Variants in HMOX2 observed in about 807,000 individuals in gnomAD.
HMOX2 encodes the protein heme oxygenase 2.
Under a neutral mutation model 33.7 loss-of-function variants are expected in HMOX2, and 30 were observed. The observed-to-expected ratio is 0.89, with a 90% confidence interval of 0.67 to 1.21. The LOEUF (loss-of-function observed/expected upper bound fraction) is 1.21, where lower values mean the gene tolerates loss of function less well. HMOX2 is among the 50% of genes most tolerant of loss of function. The probability of loss-of-function intolerance (pLI) is 0.00; values close to 1 mark genes in which losing one functional copy is unlikely to be tolerated. For missense variants in HMOX2, 403 were observed against 399.1 expected (o/e 1.01, Z -0.08); for synonymous variants, 155 against 155.0 (o/e 1.00, Z 0.00).
intron 1 of HMOX2, among the ~76,000 whole-genome samples, chr16:4,491,745 G>A (rs2058311395): frequency 6.6e-6 from 1 of 151,884 alleles, no homozygotes; most frequent in Admixed American, 6.6e-5. Flanking sequence ...ATCTCACTCT[G>A]TCACTCAGGC....
In HMOX2 at chr16:4,478,150, T is replaced by C. The variant is rs372067093; in HGVS notation, c.-42+1663T>C. Among the ~76,000 whole-genome samples the C allele has an allele frequency of 5.3e-5, 8 of 152,198 alleles. No homozygotes were observed. The East Asian group carries it at 1.5e-3, about 29-fold the overall frequency. On this transcript the variant is annotated intron_variant, in intron 1 of 5. Coordinates refer to ENST00000570646, the MANE Select transcript of HMOX2 (RefSeq NM_002134.4). Reference sequence around the variant, plus strand: ...GGGAAATCCTGTGATTCCTCCATTGTCTGACTTGATTTCCTTTTTTCCTTG... The same window carrying C: ...GGGAAATCCTGTGATTCCTCCATTGCCTGACTTGATTTCCTTTTTTCCTTG...
intron 1 of HMOX2, among the ~76,000 whole-genome samples, chr16:4,486,920 A>G (rs1184911494): frequency 6.6e-6 from 1 of 152,128 alleles, no homozygotes; most frequent in Non-Finnish European, 1.5e-5. Flanking sequence ...ATGGAAGCTC[A>G]CTTATTTCCT....
intron 1 of HMOX2, among the ~76,000 whole-genome samples, chr16:4,481,505 G>T (rs923500884): frequency 6.6e-6 from 1 of 152,166 alleles, no homozygotes; most frequent in Non-Finnish European, 1.5e-5. Flanking sequence ...TGTACTGAAA[G>T]AATTGGGTGG....
chr16:4,505,627 G>A lies in HMOX2; in HGVS notation c.86+17G>A, dbSNP rs1210447882. ...CCAAATGAGGTGAGCGATGGGGGCT[G>A]GCTGCACTGAATCAGGTGGGCCCAG... On this transcript the variant is annotated intron_variant, in intron 2 of 5. Transcript: ENST00000570646. 6.5e-7 allele frequency: 1 copy of A among 1,548,660 alleles called. No homozygotes were observed. Among genetic ancestry groups the A allele is most frequent in the Non-Finnish European group, 8.8e-7 (1 of 1,134,292 alleles).
chr16:4,501,219 T>C (rs1205477940), intron 1 of HMOX2, among the ~76,000 whole-genome samples: 1 of 152,216 alleles, frequency 6.6e-6, no homozygotes, highest in Admixed American at 6.5e-5. Flanking sequence ...AAGCAGCCAG[T>C]TGGCTAAAAA....
In HMOX2 at chr16:4,506,949, G is replaced by A. The variant is rs2141607603; in HGVS notation, c.141G>A (p.Arg47=). The A allele has an allele frequency of 6.2e-7, 1 of 1,614,136 alleles. No homozygotes were observed. ...AAGGGACCAAGGAAGCACACGACCG[G>A]GCAGAAAACACCCAGTTTGTCAAGG... The part of the protein sequence containing the change: ...LKEGTKEAHD[R]AENTQFVKDF... Residue 47 remains arginine, a synonymous_variant, in exon 3 of 6, where the codon CGG becomes CGA. Coordinates refer to ENST00000570646, the MANE Select transcript of HMOX2 (RefSeq NM_002134.4).
At chr16:4,487,979 C>T (rs1392120083) in intron 1 of HMOX2, among the ~76,000 whole-genome samples, 2 of 148,534 alleles carry the variant, frequency 1.3e-5, no homozygotes, top group Admixed American at 6.7e-5. Context: ...AAAATGTAGC[C>T]GGGTGTGGTT....
intron 1 of HMOX2, among the ~76,000 whole-genome samples, chr16:4,495,060 A>G (rs772056777): frequency 1.3e-5 from 2 of 152,176 alleles, no homozygotes; most frequent in Non-Finnish European, 2.9e-5. Flanking sequence ...AGAGGGCTGC[A>G]TTTACAGCTA....
chr16:4,477,950 C>G (rs986620437), intron 1 of HMOX2, among the ~76,000 whole-genome samples: 1 of 152,020 alleles, frequency 6.6e-6, no homozygotes, highest in Admixed American at 6.6e-5. Flanking sequence ...TATCACAAGA[C>G]AAAATTTGTG....
At chr16:4,498,095 C>G (rs748466708) in intron 1 of HMOX2, among the ~76,000 whole-genome samples, 1 of 118,662 alleles carries the variant, frequency 8.4e-6, no homozygotes, top group Non-Finnish European at 1.6e-5. Context: ...GAGACACAGT[C>G]TTGCTCTGTT....
At chr16:4,496,912 G>T (rs1488289684) in intron 1 of HMOX2, 1 of 150,782 alleles carries the variant, frequency 6.6e-6, no homozygotes, top group Non-Finnish European at 1.5e-5. Context: ...TCCTAGGCTG[G>T]TCTCAAACTC....
chr16:4,485,346 A>G (rs903268591), intron 1 of HMOX2, among the ~76,000 whole-genome samples: 3 of 152,176 alleles, frequency 2.0e-5, no homozygotes, highest in Admixed American at 6.6e-5. Context: ...ACTGTACTGT[A>G]TTGAGCTTCT....
intron 1 of HMOX2, among the ~76,000 whole-genome samples, chr16:4,477,854 G>C (rs2057910140): frequency 6.6e-6 from 1 of 152,162 alleles, no homozygotes; most frequent in Non-Finnish European, 1.5e-5. Flanking sequence ...CCACGAAGTG[G>C]AGATTGCAGT....
At chr16:4,486,290 A>G (rs2058165697) in intron 1 of HMOX2, among the ~76,000 whole-genome samples, 1 of 152,232 alleles carries the variant, frequency 6.6e-6, no homozygotes, top group Non-Finnish European at 1.5e-5. Context: ...CCAACTGTCA[A>G]GGGACTTGCC....
intron 1 of HMOX2, among the ~76,000 whole-genome samples, chr16:4,498,923 A>G (rs2058490184): frequency 6.6e-6 from 1 of 152,180 alleles, no homozygotes; most frequent in Non-Finnish European, 1.5e-5. Context: ...ATTAGAACTG[A>G]TTGAGCTCTG....
At chr16:4,478,983 CG>C (rs2057945000) in intron 1 of HMOX2, among the ~76,000 whole-genome samples, 1 of 151,838 alleles carries the variant, frequency 6.6e-6, no homozygotes, top group Non-Finnish European at 1.5e-5. Context: ...TGTGAAACCC[CG>C]TCTCTACTAA....
chr16:4,485,941 C>T (rs1210095758), intron 1 of HMOX2, among the ~76,000 whole-genome samples: 2 of 152,210 alleles, frequency 1.3e-5, no homozygotes, highest in East Asian at 3.9e-4. Context: ...CCAGGCTGGT[C>T]TCGAACTCCT....
Position 4,507,783 on chromosome 16 carries a change from C to A in HMOX2, c.275C>A (p.Pro92Gln). 1 of 1,614,150 alleles carries A rather than the reference C, an allele frequency of 6.2e-7. No individual in the cohort carries two copies. ...EEEMERNKDHPAFAPLYFPME... is the reference protein window; with the variant it reads ...EEEMERNKDHQAFAPLYFPME... Reference sequence around the variant, plus strand: ...GAAATGGAGCGCAACAAGGACCATCCAGCCTTTGCCCCTTTGTACTTCCCC... The same window carrying A: ...GAAATGGAGCGCAACAAGGACCATCAAGCCTTTGCCCCTTTGTACTTCCCC... The change falls in exon 4 of 6, where the codon CCA becomes CAA. Residue 92 changes from proline (P) to glutamine (Q), a missense_variant. By Grantham distance (76) the Pro-to-Gln change is moderately conservative. Transcript: ENST00000570646.
intron 1 of HMOX2, among the ~76,000 whole-genome samples, chr16:4,504,477 C>T (rs1376874974): frequency 4.1e-5 from 6 of 145,482 alleles, no homozygotes; most frequent in Non-Finnish European, 9.0e-5. Flanking sequence ...TCTCCTGCCT[C>T]AGCCTCCTGA....
Sources: allele counts gnomAD v4.1 joint callset (sites outside exome capture counted in the v4.1 genomes callset), GRCh38; gene constraint gnomAD v4.1.1; transcripts MANE v1.5; gene names NCBI Gene and HGNC (gene_info 2026-07-23, HGNC 2026-07-21).